PRKN: variants seen among roughly 807,000 people sequenced by gnomAD.
PRKN encodes the protein E3 ubiquitin-protein ligase parkin.
PRKN carries 56 observed loss-of-function variants against 59.5 expected under a neutral mutation model. The observed-to-expected ratio is 0.94, with a 90% CI of 0.76 to 1.18. PRKN has a LOEUF of 1.18. Among genes scored for constraint, PRKN ranks in the 50% most tolerant of loss-of-function variants. The probability of loss-of-function intolerance (pLI) is 0.00; values close to 1 mark genes in which losing one functional copy is unlikely to be tolerated. For missense variants in PRKN, 657 were observed against 596.4 expected, an observed-to-expected ratio of 1.10 and a Z score of -1.06; for synonymous variants, 250 against 222.1, an observed-to-expected ratio of 1.13 and a Z score of -1.12.
chr6:162,122,132 G>A (rs1032718468), intron 4 of PRKN, among the ~76,000 whole-genome samples: 6 of 152,136 alleles, frequency 3.9e-5, no homozygotes, highest in South Asian at 2.1e-4. Flanking sequence ...GTCAGTAATC[G>A]GGCCAACAAG....
At position 161,550,013 on chromosome 6, in the gene PRKN, G is replaced by C. The variant is rs1464347859; in HGVS notation, c.934-1010C>G. On this transcript the variant is annotated intron_variant, in intron 8 of 11. Coordinates refer to ENST00000366898, the MANE Select transcript of PRKN (RefSeq NM_004562.3). The surrounding 1 kb of genome is among the most constrained non-coding windows in gnomAD (Gnocchi z 4.0). ...AAGGTGGAGATTTCAATTTTAAAGAGGTGATTACAGAATGCCTTACAAAGC... is the reference window on the plus strand; with the variant it reads ...AAGGTGGAGATTTCAATTTTAAAGACGTGATTACAGAATGCCTTACAAAGC... Among the ~76,000 whole-genome samples the C allele has an allele frequency of 6.6e-6, 1 of 152,160 alleles. No homozygotes were observed. The highest frequency in any genetic ancestry group is 6.5e-5 in the Admixed American group (1 of 15,276).
chr6:162,672,685 A>AGTGTGTGTGTGTGTGTGT (rs56722608), intron 1 of PRKN, among the ~76,000 whole-genome samples: 4 of 149,064 alleles, frequency 2.7e-5, no homozygotes, highest in Non-Finnish European at 4.5e-5. Context: ...TTGGGGGAAA[A>AGTGTGTGTGTGTGTGTGT]GTGTGTGTGT....
rs1199518343 is a variant in PRKN at position 161,460,028 on chromosome 6, A to G, written c.1084-73151T>C. On this transcript the variant is annotated intron_variant, in intron 9 of 11. Coordinates refer to ENST00000366898, the MANE Select transcript of PRKN (RefSeq NM_004562.3). This position sits in a 1 kb window ranked among gnomAD's most constrained non-coding sequence, Gnocchi z 5.0. ...TATCCATCCATCAGTCCATCCATCC[A>G]TCCATTCATCCAACCATTCAACTTT... is the stretch of plus-strand genomic sequence containing the variant. 6.6e-6 allele frequency among the ~76,000 whole-genome samples: 1 copy of G among 152,192 alleles called. No individual in the cohort carries two copies. Among genetic ancestry groups the G allele is most frequent in the African/African-American group, 2.4e-5 (1 of 41,448 alleles).
chr6:162,079,955 C>G (rs909959681), intron 4 of PRKN, among the ~76,000 whole-genome samples: 7 of 152,034 alleles, frequency 4.6e-5, no homozygotes, highest in Non-Finnish European at 1.0e-4. Context: ...GTGCTATTGC[C>G]TACTACAAGC....
intron 5 of PRKN, among the ~76,000 whole-genome samples, chr6:162,034,123 G>A (rs1039192054): frequency 2.0e-5 from 3 of 148,630 alleles, no homozygotes; most frequent in Non-Finnish European, 3.0e-5. Flanking sequence ...AATTGGCCTC[G>A]CTCACAGGGT....
chr6:162,469,366 C>G (rs1791604922), intron 1 of PRKN, among the ~76,000 whole-genome samples: 1 of 140,382 alleles, frequency 7.1e-6, no homozygotes, highest in Non-Finnish European at 1.6e-5. Context: ...GGGTGGGTGA[C>G]AGAGGAAGTC....
At chr6:162,426,309 T>C (rs574139752) in intron 2 of PRKN, among the ~76,000 whole-genome samples, 48 of 152,200 alleles carry the variant, frequency 3.2e-4, no homozygotes, top group Non-Finnish European at 6.3e-4. Context: ...ATGTCAAAGG[T>C]GTCCTTATGA....
At chr6:162,348,117 T>C (rs971699377) in intron 2 of PRKN, among the ~76,000 whole-genome samples, 2 of 152,136 alleles carry the variant, frequency 1.3e-5, no homozygotes, top group Admixed American at 6.5e-5. Context: ...GGATTAGAGA[T>C]AACAGTGTCA....
Position 162,192,619 on chromosome 6 carries a change from A to AT in PRKN, c.534+8511dup, listed in dbSNP as rs10625449. On this transcript the variant is annotated intron_variant, in intron 4 of 11. Coordinates refer to ENST00000366898, the MANE Select transcript of PRKN (RefSeq NM_004562.3). ...AGGCACATGCTACCACGCCCAGCTA[A>AT]TTTTTTTTTTTCTATTTTTTGTAGA... 2.8e-4 allele frequency among the ~76,000 whole-genome samples: 42 copies of AT among 147,892 alleles called. No individual in the cohort carries two copies. The South Asian group carries it at 3.0e-3, about 11-fold the overall frequency.
At chr6:162,611,974 A>G (rs1222739864) in intron 1 of PRKN, among the ~76,000 whole-genome samples, 6 of 151,746 alleles carry the variant, frequency 4.0e-5, no homozygotes, top group South Asian at 2.1e-4. Flanking sequence ...TCATAAGGTC[A>G]GGAGATCGAG....
At position 161,361,024 on chromosome 6, in the gene PRKN, C is replaced by T. The variant is rs903208531; in HGVS notation, c.1168-819G>A. 4.6e-5 allele frequency among the ~76,000 whole-genome samples: 7 copies of T among 151,978 alleles called. No homozygotes were observed. The highest frequency in any genetic ancestry group is 1.3e-4 in the Admixed American group (2 of 15,268). On this transcript the variant is annotated intron_variant, in intron 10 of 11. Coordinates refer to ENST00000366898, the MANE Select transcript of PRKN (RefSeq NM_004562.3). This position sits in a 1 kb window ranked among gnomAD's most constrained non-coding sequence, Gnocchi z 5.2. ...CATTTGCTGACATTATTCATGTCACCGAGAGCTGGGTGCTGCCTGCACCAT... is the reference window on the plus strand; with the variant it reads ...CATTTGCTGACATTATTCATGTCACTGAGAGCTGGGTGCTGCCTGCACCAT...
At chr6:162,482,304 A>G (rs746443153) in intron 1 of PRKN, among the ~76,000 whole-genome samples, 9 of 152,178 alleles carry the variant, frequency 5.9e-5, no homozygotes, top group Non-Finnish European at 1.3e-4. Flanking sequence ...CTGCTACTCA[A>G]AAAACTAACT....
chr6:161,738,076 C>T (rs140702524), intron 7 of PRKN, among the ~76,000 whole-genome samples: 3 of 152,200 alleles, frequency 2.0e-5, no homozygotes, highest in Admixed American at 6.5e-5. Flanking sequence ...TTTTGACTCT[C>T]GTTCAAAAGT....
At chr6:161,892,850 A>C (rs553904555) in intron 6 of PRKN, among the ~76,000 whole-genome samples, 2 of 152,324 alleles carry the variant, frequency 1.3e-5, no homozygotes, top group South Asian at 4.1e-4. Flanking sequence ...ACCAATATTT[A>C]GTTGTTTTAT....
Position 162,058,975 on chromosome 6 carries a change from A to G in PRKN, c.535-4801T>C, listed in dbSNP as rs926520329. Among the ~76,000 whole-genome samples the G allele has an allele frequency of 5.9e-5, 9 of 151,872 alleles. No homozygotes were observed. The South Asian group carries it at 6.2e-4, about 11-fold the overall frequency. On this transcript the variant is annotated intron_variant, in intron 4 of 11. Transcript: ENST00000366898. Reference sequence around the variant, plus strand: ...TCAACAAGAAAAAAAAAAAAAAAAAAAAGAAGTAGCACCAATAATTAAATG... The same window carrying G: ...TCAACAAGAAAAAAAAAAAAAAAAAGAAGAAGTAGCACCAATAATTAAATG...
chr6:161,360,353 C>A lies in PRKN; in HGVS notation c.1168-148G>T, dbSNP rs1345938721. 7.0e-6 allele frequency: 5 copies of A among 718,680 alleles called. No individual in the cohort carries two copies. The highest frequency in any genetic ancestry group is 1.3e-5 in the Non-Finnish European group (5 of 395,624). 44.5% of individuals were successfully genotyped at this position (718,680 alleles called of 1,614,324 possible). ...TAAATATCAATGCACTTGACAAATG[C>A]TAGACAGCTACTAGGCGGATGGGGA... is the stretch of plus-strand genomic sequence containing the variant. On this transcript the variant is annotated intron_variant, in intron 10 of 11. Transcript: ENST00000366898. The surrounding 1 kb of genome is among the most constrained non-coding windows in gnomAD (Gnocchi z 5.1).
At chr6:162,693,817 GA>G (rs1289915816) in intron 1 of PRKN, among the ~76,000 whole-genome samples, 1 of 152,116 alleles carries the variant, frequency 6.6e-6, no homozygotes, top group Non-Finnish European at 1.5e-5. Flanking sequence ...AGATAAACAG[GA>G]ATAAGTGAAG....
chr6:162,361,938 A>G (rs1323702278), intron 2 of PRKN, among the ~76,000 whole-genome samples: 3 of 152,188 alleles, frequency 2.0e-5, no homozygotes, highest in African/African-American at 7.2e-5. Flanking sequence ...GCTGGCAATT[A>G]CAATTCCACC....
Position 161,499,887 on chromosome 6 carries a change from TAC to T in PRKN, c.1083+48965_1083+48966del, listed in dbSNP as rs1275763382. The stretch of plus-strand genomic sequence containing the variant: ...TTTCTGAAATGGTGTCCAGGAATAA[TAC>T]AATGAATTATTTGAAACCGCAGCTG... On this transcript the variant is annotated intron_variant, in intron 9 of 11. Coordinates refer to ENST00000366898, the MANE Select transcript of PRKN (RefSeq NM_004562.3). The surrounding 1 kb of genome is among the most constrained non-coding windows in gnomAD (Gnocchi z 4.2). Among the ~76,000 whole-genome samples, 8 of 152,170 alleles carry T rather than the reference TAC, an allele frequency of 5.3e-5. No individual in the cohort carries two copies. Among genetic ancestry groups the T allele is most frequent in the Non-Finnish European group, 1.2e-4 (8 of 68,034 alleles).
Sources: allele counts gnomAD v4.1 joint callset (sites outside exome capture counted in the v4.1 genomes callset), GRCh38; gene constraint gnomAD v4.1.1; non-coding constraint Gnocchi (gnomAD v3.1); transcripts MANE v1.5; gene names NCBI Gene and HGNC (gene_info 2026-07-23, HGNC 2026-07-21).